SPTB: variants seen among roughly 807,000 people sequenced by gnomAD.
SPTB encodes the protein spectrin beta, erythrocytic, also known as spectrin beta chain, erythrocytic.
In SPTB, 45 loss-of-function variants were observed where a neutral mutation model predicts 256.2. The observed-to-expected ratio is 0.18, with a 90% CI of 0.14 to 0.23. The LOEUF is 0.23. Among genes scored for constraint, SPTB ranks in the 10% least tolerant of loss-of-function variants. The pLI is 1.00. For missense variants in SPTB, 2,715 were observed against 3,040.4 expected (o/e 0.89, Z 2.52); for synonymous variants, 1,231 against 1,243.1 (o/e 0.99, Z 0.21).
intron 31 of SPTB, 21 bp from the exon 32 acceptor site, chr14:64,766,822 C>T (rs2082191746): frequency 1.2e-6 from 2 of 1,608,708 alleles, no homozygotes; most frequent in Non-Finnish European, 1.7e-6. Flanking sequence ...CACAGTCTCT[C>T]TTTAGAAACA....
chr14:64,825,267 G>T lies in SPTB; in HGVS notation c.-51-2122C>A, dbSNP rs1270669659. ...TGTTTGCCACTCAAGAGAAGGGAAGGTGCAAGGTGGGAAAACCAGTCATCA... is the reference window on the plus strand; with the variant it reads ...TGTTTGCCACTCAAGAGAAGGGAAGTTGCAAGGTGGGAAAACCAGTCATCA... On this transcript the variant is annotated intron_variant, in intron 1 of 35. Transcript: ENST00000644917. The surrounding 1 kb of genome is among the most constrained non-coding windows in gnomAD (Gnocchi z 4.8). Among the ~76,000 whole-genome samples, 1 of 152,124 alleles carries T rather than the reference G, an allele frequency of 6.6e-6. No homozygotes were observed. Among genetic ancestry groups the T allele is most frequent in the Non-Finnish European group, 1.5e-5 (1 of 68,018 alleles).
chr14:64,838,585 G>C (rs1281735591), intron 1 of SPTB, among the ~76,000 whole-genome samples: 2 of 152,052 alleles, frequency 1.3e-5, no homozygotes, highest in Non-Finnish European at 2.9e-5. Flanking sequence ...GATTTGTACA[G>C]ACGCTTTACC....
intron 1 of SPTB, among the ~76,000 whole-genome samples, chr14:64,858,335 A>T (rs1352102339): frequency 6.6e-6 from 1 of 152,222 alleles, no homozygotes; most frequent in African/African-American, 2.4e-5. Context: ...AGGGTAGGGC[A>T]AGTACTTGGG....
rs1270560984 is a variant in SPTB, at chr14:64,795,317, G to A, written c.1644+20C>T. The stretch of plus-strand genomic sequence containing the variant: ...AGGTGAGCACTGCAGGGCATGGCGG[G>A]GGCGGCCCCCAGGGCCCACCTTGAT... On this transcript the variant is annotated intron_variant, in intron 12 of 35. Transcript: ENST00000644917. The surrounding 1 kb of genome is among the most constrained non-coding windows in gnomAD (Gnocchi z 6.5). 6 of 1,602,408 alleles carry A rather than the reference G, an allele frequency of 3.7e-6. No individual in the cohort carries two copies. In the African/African-American group the frequency reaches 4.0e-5, roughly 11 times the overall value.
Position 64,749,189 on chromosome 14 carries a change from C to G in SPTB, c.*117G>C. The G allele has an allele frequency of 5.4e-6, 7 of 1,300,080 alleles. No homozygotes were observed. Among genetic ancestry groups the G allele is most frequent in the Non-Finnish European group, 7.4e-6 (7 of 949,964 alleles). The allele number at this position is 1,300,080 out of a possible 1,614,324, so 80.5% of individuals were successfully genotyped here. On this transcript the variant is annotated 3_prime_UTR_variant, in exon 36 of 36. Transcript: ENST00000644917. This position sits in a 1 kb window ranked among gnomAD's most constrained non-coding sequence, Gnocchi z 4.7. ...CAGTGCAGCGTGGGGCCCGGGGGCCCGGCCCGCGACTCGACTCATCTCGAT... is the reference window on the plus strand; with the variant it reads ...CAGTGCAGCGTGGGGCCCGGGGGCCGGGCCCGCGACTCGACTCATCTCGAT...
chr14:64,757,237 T>G (rs2082027406), intron 32 of SPTB: 1 of 152,254 alleles, frequency 6.6e-6, no homozygotes, highest in Non-Finnish European at 1.5e-5. Context: ...CTCCTGGGAT[T>G]GGTTTTACTA....
chr14:64,877,307 AAGC>A (rs1434374288), intron 1 of SPTB, among the ~76,000 whole-genome samples: 1 of 152,184 alleles, frequency 6.6e-6, no homozygotes, highest in East Asian at 1.9e-4. Context: ...CCTCTGATAT[AAGC>A]AGAACTATTA....
At chr14:64,819,992 T>C (rs1594811843) in intron 2 of SPTB, among the ~76,000 whole-genome samples, 1 of 152,182 alleles carries the variant, frequency 6.6e-6, no homozygotes, top group Non-Finnish European at 1.5e-5. Flanking sequence ...GCGGTGGCAT[T>C]AGAGGCAGAA....
At chr14:64,864,432 G>C (rs1882036243) in intron 1 of SPTB, among the ~76,000 whole-genome samples, 3 of 152,154 alleles carry the variant, frequency 2.0e-5, no homozygotes, top group African/African-American at 4.8e-5. Flanking sequence ...CTGGGCAACA[G>C]AGCAAGACCC....
chr14:64,778,588 A>G lies in SPTB; in HGVS notation c.4563+569T>C, dbSNP rs1051150766. 4.6e-5 allele frequency among the ~76,000 whole-genome samples: 7 copies of G among 152,198 alleles called. No homozygotes were observed. The highest frequency in any genetic ancestry group is 1.7e-4 in the African/African-American group (7 of 41,444). On this transcript the variant is annotated intron_variant, in intron 22 of 35. Coordinates refer to ENST00000644917, the MANE Select transcript of SPTB (RefSeq NM_001355436.2). This position sits in a 1 kb window ranked among gnomAD's most constrained non-coding sequence, Gnocchi z 5.2. Reference sequence around the variant, plus strand: ...CTGACCAGGGCCACAGGAGTTCCCAATCAGGGCTAAGCGAGTGCCAAAAAG... The same window carrying G: ...CTGACCAGGGCCACAGGAGTTCCCAGTCAGGGCTAAGCGAGTGCCAAAAAG...
chr14:64,767,694 T>C lies in SPTB; in HGVS notation c.6188A>G (p.Glu2063Gly). 2 of 1,614,194 alleles carry C rather than the reference T, an allele frequency of 1.2e-6. No homozygotes were observed. The highest frequency in any genetic ancestry group is 1.7e-6 in the Non-Finnish European group (2 of 1,180,030). Reference sequence around the variant, plus strand: ...GGGCTTCTCCAGGGCAGCAAAGCGCTCTGCCCAGCTGGCCGTGGACTTCTC... The same window carrying C: ...GGGCTTCTCCAGGGCAGCAAAGCGCCCTGCCCAGCTGGCCGTGGACTTCTC... ...AFEKSTASWAERFAALEKPTT... is the reference protein window; with the variant it reads ...AFEKSTASWAGRFAALEKPTT... The change falls in exon 30 of 36, where the codon GAG becomes GGG. Residue 2063 changes from glutamate to glycine, a missense_variant. By Grantham distance (98) the Glu-to-Gly change is moderately conservative (BLOSUM62 -2). This residue lies in a region of SPTB where 2,239 missense variants were observed against 2,384.4 expected (regional missense o/e 0.94). Transcript: ENST00000644917.
chr14:64,786,575 G>A lies in SPTB; in HGVS notation c.3390C>T (p.Gly1130=), dbSNP rs1242952607. The change falls in exon 16 of 36, where the codon GGC becomes GGT. Residue 1130 remains glycine, a synonymous_variant. Transcript: ENST00000644917. The surrounding 1 kb of genome is among the most constrained non-coding windows in gnomAD (Gnocchi z 5.6). ...GAAGCAGATACTCTGGGTCCGTCTG[G>A]CCTTGGATCACTTTCTCCCCAGACT... ...VKESGEKVIQ[G]QTDPEYLLLG... 13 of 1,614,052 alleles carry A rather than the reference G, an allele frequency of 8.1e-6. No homozygotes were observed. Among genetic ancestry groups the A allele is most frequent in the African/African-American group, 1.3e-5 (1 of 74,934 alleles).
At chr14:64,865,353 A>G (rs1882108058) in intron 1 of SPTB, among the ~76,000 whole-genome samples, 1 of 151,762 alleles carries the variant, frequency 6.6e-6, no homozygotes, top group Non-Finnish European at 1.5e-5. Context: ...AAGGCACTCT[A>G]CGCTGGTAGA....
chr14:64,867,554 T>C (rs977669211), intron 1 of SPTB, among the ~76,000 whole-genome samples: 1 of 152,070 alleles, frequency 6.6e-6, no homozygotes, highest in Non-Finnish European at 1.5e-5. Flanking sequence ...GGCATATATG[T>C]GTAAGAGTTC....
At chr14:64,862,547 G>C (rs968978440) in intron 1 of SPTB, among the ~76,000 whole-genome samples, 2 of 151,950 alleles carry the variant, frequency 1.3e-5, no homozygotes, top group Non-Finnish European at 2.9e-5. Flanking sequence ...TCTTAATTTT[G>C]ATTATATGAT....
Position 64,803,745 on chromosome 14 carries a change from G to T in SPTB, c.336C>A (p.Cys112Ter). 1 of 1,613,832 alleles carries T rather than the reference G, an allele frequency of 6.2e-7. No individual in the cohort carries two copies. The highest frequency in any genetic ancestry group is 8.5e-7 in the Non-Finnish European group (1 of 1,179,868). ...GGAGAGCCTTGTCCACATTCTCCAG[G>T]CAGTGGATGCGCATCTTCCCCTTGG... is the stretch of plus-strand genomic sequence containing the variant. ...KPTKGKMRIH[C>*]LENVDKALQF... is the part of the protein sequence containing the mutation. The change falls in exon 4 of 36, where the codon TGC (cysteine) becomes TGA (stop). Residue 112 changes from cysteine (C) to a stop codon, truncating the protein, a stop_gained. Transcript: ENST00000644917. LOFTEE classifies it high-confidence loss of function.
At chr14:64,750,366 C>T (rs1457978766) in intron 33 of SPTB, 21 of 538,212 alleles carry the variant, frequency 3.9e-5, no homozygotes, top group Non-Finnish European at 4.9e-5. Flanking sequence ...TTCACATTTT[C>T]GCATTTTTTT....
At chr14:64,811,287 G>T (rs1337740637) in intron 2 of SPTB, among the ~76,000 whole-genome samples, 1 of 152,116 alleles carries the variant, frequency 6.6e-6, no homozygotes, top group Non-Finnish European at 1.5e-5. Flanking sequence ...AAAATTATAA[G>T]CATCTCTTAA....
At position 64,764,018 on chromosome 14, in the gene SPTB, GCA is replaced by G. The variant is rs1389628121; in HGVS notation, c.6345+2706_6345+2707del. Among the ~76,000 whole-genome samples the G allele has an allele frequency of 6.6e-5, 10 of 152,198 alleles. No homozygotes were observed. The highest frequency in any genetic ancestry group is 2.4e-4 in the African/African-American group (10 of 41,434). On this transcript the variant is annotated intron_variant, in intron 32 of 35. Coordinates refer to ENST00000644917, the MANE Select transcript of SPTB (RefSeq NM_001355436.2). The surrounding 1 kb of genome is among the most constrained non-coding windows in gnomAD (Gnocchi z 4.2). ...GTTCCCCCCAGCAGGAAGCCGACAT[GCA>G]CAGTGAGGGATTGTACATGAAGCAA...
Sources: allele counts gnomAD v4.1 joint callset (sites outside exome capture counted in the v4.1 genomes callset), GRCh38; gene constraint gnomAD v4.1.1; regional missense constraint gnomAD v4.1.1; non-coding constraint Gnocchi (gnomAD v3.1); transcripts MANE v1.5; gene names NCBI Gene and HGNC (gene_info 2026-07-23, HGNC 2026-07-21).